RIN3: variants seen among roughly 807,000 people sequenced by gnomAD.
RIN3 encodes the protein RAB5 interacting protein 3.
In RIN3, 54 loss-of-function variants were observed where a neutral mutation model predicts 76.3. The ratio of observed to expected loss-of-function variants is 0.71; its 90% CI spans 0.57 to 0.89. RIN3 has a LOEUF of 0.89. Among genes scored for constraint, RIN3 ranks in the 40% least tolerant of loss-of-function variants. The pLI is 0.00. For missense variants in RIN3, 1,256 were observed against 1,322.1 expected, an observed-to-expected ratio of 0.95 and a Z score of 0.78; for synonymous variants, 576 against 564.0, an observed-to-expected ratio of 1.02 and a Z score of -0.30.
At chr14:92,645,033 T>C (rs1207549385) in intron 5 of RIN3, 1 of 152,132 alleles carries the variant, frequency 6.6e-6, no homozygotes, top group East Asian at 1.9e-4. Flanking sequence ...AGACGGAGGG[T>C]TAGCTGGGCT....
At chr14:92,544,414 T>TGGGGGGGGGGGGGGGTGGG (rs1897200611) in intron 1 of RIN3, among the ~76,000 whole-genome samples, 1 of 74,546 alleles carries the variant, frequency 1.3e-5, no homozygotes. Flanking sequence ...GTGACAGCTG[T>TGGGGGGGGGGGGGGGTGGG]GGGGGGGGGG....
intron 8 of RIN3, among the ~76,000 whole-genome samples, chr14:92,684,252 C>T (rs1054370661): frequency 3.3e-5 from 5 of 151,968 alleles, no homozygotes; most frequent in Non-Finnish European, 7.4e-5. Flanking sequence ...TGGTGGCATG[C>T]GCCTCTAATC....
At chr14:92,564,403 A>T (rs372608986) in intron 2 of RIN3, among the ~76,000 whole-genome samples, 1 of 152,154 alleles carries the variant, frequency 6.6e-6, no homozygotes, top group Non-Finnish European at 1.5e-5. Context: ...TTAATTTACC[A>T]TGAAACTCAC....
chr14:92,681,155 G>T lies in RIN3; in HGVS notation c.2468-3832G>T, dbSNP rs12890223. ...CCTGACAGCTGGCCATGCCGGGCTG[G>T]TGTCTTTCCAGGGGCAGTGGGTTTT... is the stretch of plus-strand genomic sequence containing the variant. On this transcript the variant is annotated intron_variant, in intron 8 of 9. Transcript: ENST00000216487. The surrounding 1 kb of genome is among the most constrained non-coding windows in gnomAD (Gnocchi z 4.7). Among the ~76,000 whole-genome samples, 67,394 of 152,084 alleles carry T rather than the reference G, an allele frequency of 0.44. 15,475 individuals are homozygous for T. Among genetic ancestry groups the T allele is most frequent in the East Asian group, 0.53 (2,738 of 5,170 alleles).
At chr14:92,676,666 G>C (rs1425512597) in intron 8 of RIN3, 60 bp downstream of exon 8, 7 of 1,576,036 alleles carry the variant, frequency 4.4e-6, no homozygotes, top group Non-Finnish European at 5.2e-6. Flanking sequence ...GCCACGCCAC[G>C]GGCACTCTAG....
chr14:92,537,833 TTTTA>T (rs1208686122), intron 1 of RIN3, among the ~76,000 whole-genome samples: 8 of 78,330 alleles, frequency 1.0e-4, no homozygotes, highest in Non-Finnish European at 1.3e-4. Context: ...ATTTATTTTA[TTTTA>T]TTTATTTTTT....
At chr14:92,548,146 C>T (rs1433432352) in intron 1 of RIN3, among the ~76,000 whole-genome samples, 1 of 152,156 alleles carries the variant, frequency 6.6e-6, no homozygotes, top group Non-Finnish European at 1.5e-5. Flanking sequence ...TTCTATGTCA[C>T]TGTGTGTGTT....
rs1887516628 is a variant in RIN3 at position 92,652,817 on chromosome 14, A to G, written c.1768A>G (p.Met590Val). ...HRLSFASFSS[M>V]FHAFLSNNRK... ...GCTGAGCTTTGCCAGTTTCAGCAGC[A>G]TGTTCCACGCTTTCCTCTCCAACAA... Residue 590 changes from methionine to valine, a missense_variant, in exon 6 of 10, where the codon ATG becomes GTG. By Grantham distance (21) the Met-to-Val change is conservative. Transcript: ENST00000216487. This position sits in a 1 kb window ranked among gnomAD's most constrained non-coding sequence, Gnocchi z 6.4. 1.2e-6 allele frequency: 2 copies of G among 1,613,948 alleles called. No individual in the cohort carries two copies. Among genetic ancestry groups the G allele is most frequent in the African/African-American group, 1.3e-5 (1 of 74,932 alleles).
intron 1 of RIN3, among the ~76,000 whole-genome samples, chr14:92,527,866 G>T (rs978121570): frequency 1.3e-5 from 2 of 151,422 alleles, no homozygotes; most frequent in African/African-American, 4.9e-5. Flanking sequence ...TTCGTTGTGT[G>T]GATCTACCAG....
chr14:92,615,640 G>A, intron 4 of RIN3, 161 bp downstream of exon 4: 1 of 649,082 alleles, frequency 1.5e-6, no homozygotes. Flanking sequence ...CACAGAGGAT[G>A]TGTTGGCTCT....
chr14:92,546,957 A>C (rs1377380941), intron 1 of RIN3, among the ~76,000 whole-genome samples: 1 of 150,318 alleles, frequency 6.7e-6, no homozygotes, highest in African/African-American at 2.4e-5. Flanking sequence ...CCATTGTACA[A>C]ATAAGAAACT....
intron 7 of RIN3, among the ~76,000 whole-genome samples, chr14:92,674,610 C>T (rs886856664): frequency 6.6e-6 from 1 of 151,882 alleles, no homozygotes. Context: ...TCTCAAAGGC[C>T]GGGCGCTGTG....
chr14:92,667,558 G>A (rs115077917), intron 7 of RIN3, among the ~76,000 whole-genome samples: 1,980 of 152,094 alleles, frequency 0.013, 40 homozygotes, highest in African/African-American at 0.045. Context: ...GATCAAAGTC[G>A]CTCATGTTTA....
chr14:92,600,098 C>T (rs1339948466), intron 3 of RIN3, among the ~76,000 whole-genome samples: 1 of 152,198 alleles, frequency 6.6e-6, no homozygotes, highest in African/African-American at 2.4e-5. Flanking sequence ...CTAAATAACA[C>T]CCCTTGCTTC....
Position 92,688,215 on chromosome 14 carries a change from C to A in RIN3, c.2921C>A (p.Pro974Gln). The A allele has an allele frequency of 6.2e-7, 1 of 1,602,694 alleles. No individual in the cohort carries two copies. ...GGTGGCGGCGGCGGCGGCGGGAGCC[C>A]GCCCTGCCTGGTGGTGCGGGAGCCC... ...DGGGGGGGGS[P>Q]PCLVVREPNF... Residue 974 changes from proline (P) to glutamine (Q), a missense_variant, in exon 10 of 10, where the codon CCG becomes CAG. Pro to Gln is a moderately conservative substitution (Grantham distance 76). Coordinates refer to ENST00000216487, the MANE Select transcript of RIN3 (RefSeq NM_024832.5).
chr14:92,515,682 A>G (rs1896422349), intron 1 of RIN3, among the ~76,000 whole-genome samples: 1 of 152,134 alleles, frequency 6.6e-6, no homozygotes, highest in Admixed American at 6.5e-5. Flanking sequence ...CTCACCTGTA[A>G]ACTGGGGGTG....
At chr14:92,677,557 C>CATAT (rs1888512978) in intron 8 of RIN3, among the ~76,000 whole-genome samples, 1 of 152,080 alleles carries the variant, frequency 6.6e-6, no homozygotes, top group Admixed American at 6.5e-5. Context: ...GTGTTAAAGC[C>CATAT]ATGACGTTTG....
At chr14:92,639,824 ATGCCTGACTGTGTGCTCGTCAGAGGC>A (rs1230882261) in intron 4 of RIN3, among the ~76,000 whole-genome samples, 2 of 151,530 alleles carry the variant, frequency 1.3e-5, no homozygotes, top group Non-Finnish European at 2.9e-5. Context: ...TTGCTGGGAG[ATGCCTGACTGTGTGCTCGTCAGAGGC>A]TGCCTGACTG....
chr14:92,632,484 C>T (rs931268536), intron 4 of RIN3, among the ~76,000 whole-genome samples: 4 of 152,148 alleles, frequency 2.6e-5, no homozygotes, highest in African/African-American at 7.2e-5. Context: ...TTTAGCAGAG[C>T]GCCTGGCATG....
Sources: gnomAD v4.1 joint callset for allele counts (sites outside exome capture counted in the v4.1 genomes callset) on GRCh38, gnomAD v4.1.1 for gene constraint, Gnocchi (gnomAD v3.1) non-coding constraint, MANE v1.5 for transcripts, NCBI Gene and HGNC (gene_info 2026-07-23, HGNC 2026-07-21) for gene names.